ATP11C: variants seen among roughly 807,000 people sequenced by gnomAD.
ATP11C encodes the protein ATPase phospholipid transporting 11C (ATP11C blood group).
Under a neutral mutation model 97.4 loss-of-function variants are expected in ATP11C, and 36 were observed. The ratio of observed to expected loss-of-function variants is 0.37; its 90% CI spans 0.28 to 0.49. ATP11C has a LOEUF of 0.49. Ranked by LOEUF, ATP11C falls within the 20% of genes least tolerant of loss-of-function variation. ATP11C has a pLI of 0.98. For synonymous variants in ATP11C, 275 were observed against 290.9 expected (o/e 0.95, Z 0.56); for missense variants, 730 against 824.6 (o/e 0.89, Z 1.40).
At chrX:139,847,503 C>T (rs1335937879) in intron 1 of ATP11C, among the ~76,000 whole-genome samples, 2 of 110,334 alleles carry the variant, frequency 1.8e-5, no homozygotes, top group African/African-American at 6.6e-5. Context: ...GAGTTCGAGA[C>T]CAGCCTGGGC....
At chrX:139,731,788 T>C in intron 28 of ATP11C, 33 bp from the exon 29 acceptor site, 1 of 1,018,241 alleles carries the variant, frequency 9.8e-7, no homozygotes, top group Non-Finnish European at 1.3e-6. Context: ...CTTAAAGCAT[T>C]TGAAAATTGG....
At chrX:139,934,103 G>A (rs188476131), upstream of ATP11C, among the ~76,000 whole-genome samples, 66 of 112,120 alleles carry the variant, frequency 5.9e-4, no homozygotes, top group Non-Finnish European at 1.1e-3. Context: ...GTCCAGGGTA[G>A]AGGGAGAGGT....
Position 139,814,952 on chromosome X carries a change from T to C in ATP11C, c.352A>G (p.Asn118Asp). The change falls in exon 5 of 30, where the codon AAT (asparagine) becomes GAT (aspartate). Residue 118 changes from asparagine to aspartate, a missense_variant. Physicochemically the swap from Asn to Asp is conservative, Grantham distance 23. Coordinates refer to ENST00000682941, the MANE Select transcript of ATP11C (RefSeq NM_001353812.2). ...YEDCLRHRAD[N>D]EVNKSTVYII... is the part of the protein sequence containing the mutation. The stretch of plus-strand genomic sequence containing the variant: ...TAAACAGTGCTTTTGTTGACTTCAT[T>C]GTCAGCTCTGTGTCTCAGACAATCC... 8.5e-7 allele frequency: 1 copy of C among 1,169,915 alleles called. No homozygotes were observed. The highest frequency in any genetic ancestry group is 1.2e-6 in the Non-Finnish European group (1 of 868,750).
At chrX:139,898,538 G>GGGGGATGAGTAGACGT (rs2084846446) in intron 1 of ATP11C, among the ~76,000 whole-genome samples, 1 of 111,445 alleles carries the variant, frequency 9.0e-6, no homozygotes, top group Admixed American at 9.6e-5. Context: ...CTTGGAGGCT[G>GGGGGATGAGTAGACGT]GGGGATGAGT....
At chrX:139,824,612 A>AGGAGAATG (rs2083486343) in intron 2 of ATP11C, among the ~76,000 whole-genome samples, 2 of 111,341 alleles carry the variant, frequency 1.8e-5, no homozygotes, top group African/African-American at 6.5e-5. Flanking sequence ...GCGTGAACCC[A>AGGAGAATG]GGAGGCGGGG....
intron 21 of ATP11C, 61 bp downstream of exon 21, chrX:139,763,255 A>C: frequency 1.1e-6 from 1 of 909,314 alleles, no homozygotes; most frequent in Non-Finnish European, 1.6e-6. Flanking sequence ...ATGTAAGACC[A>C]CACTACCTAA....
chrX:139,770,002 C>A (rs1043547023), intron 19 of ATP11C, among the ~76,000 whole-genome samples: 4 of 111,552 alleles, frequency 3.6e-5, no homozygotes, highest in Non-Finnish European at 5.6e-5. Flanking sequence ...TTTATACTTA[C>A]AAATATTTTG....
intron 1 of ATP11C, among the ~76,000 whole-genome samples, chrX:139,920,461 T>C (rs1406887155): frequency 4.5e-5 from 5 of 110,391 alleles, no homozygotes; most frequent in African/African-American, 1.6e-4. Context: ...AAGGAACACA[T>C]ATTGTATGAT....
intron 1 of ATP11C, among the ~76,000 whole-genome samples, chrX:139,839,011 G>A (rs765839763): frequency 9.0e-6 from 1 of 111,418 alleles, no homozygotes; most frequent in East Asian, 2.8e-4. Flanking sequence ...ACACAATGTG[G>A]TATATCCATA....
chrX:139,868,726 CAAA>C (rs565000787), intron 1 of ATP11C, among the ~76,000 whole-genome samples: 1 of 76,354 alleles, frequency 1.3e-5, no homozygotes. Context: ...GACTCCGTCT[CAAA>C]AAAAAAAAAA....
intron 2 of ATP11C, among the ~76,000 whole-genome samples, chrX:139,822,714 A>AAT (rs1360346985): frequency 9.3e-6 from 1 of 107,289 alleles, no homozygotes; most frequent in Non-Finnish European, 1.9e-5. Flanking sequence ...GCGCCTGGCC[A>AAT]ATTTTTGTAT....
rs925503641 is a variant in ATP11C, at chrX:139,822,290, A to G, written c.148-2863T>C. Among the ~76,000 whole-genome samples the G allele has an allele frequency of 5.3e-5, 6 of 112,552 alleles. No individual in the cohort carries two copies. In the East Asian group the frequency reaches 1.7e-3, roughly 32 times the overall value. ...CAGCTCACTGCAGCCTCTGCCTCCC[A>G]GGCTCAAGCAATCCGCCCGCCTCAG... is the stretch of plus-strand genomic sequence containing the variant. On this transcript the variant is annotated intron_variant, in intron 2 of 29. Transcript: ENST00000682941.
intron 29 of ATP11C, among the ~76,000 whole-genome samples, chrX:139,730,530 G>A (rs955743369): frequency 9.0e-6 from 1 of 111,503 alleles, no homozygotes; most frequent in African/African-American, 3.3e-5. Context: ...ACTCCAGGAA[G>A]ACAGAAGAAC....
At chrX:139,760,455 G>T (rs1213334471) in intron 22 of ATP11C, among the ~76,000 whole-genome samples, 2 of 111,524 alleles carry the variant, frequency 1.8e-5, no homozygotes, top group African/African-American at 6.5e-5. Context: ...AAGACCTAGG[G>T]TTGACTATAG....
intron 7 of ATP11C, among the ~76,000 whole-genome samples, chrX:139,801,446 T>G (rs1233080298): frequency 8.9e-6 from 1 of 112,164 alleles, no homozygotes; most frequent in East Asian, 2.8e-4. Context: ...GTAGAATGAA[T>G]ACTTTGTTTT....
intron 1 of ATP11C, among the ~76,000 whole-genome samples, chrX:139,842,666 TG>T (rs1211660785): frequency 8.9e-6 from 1 of 112,354 alleles, no homozygotes; most frequent in Non-Finnish European, 1.9e-5. Context: ...AGAGGCTGAC[TG>T]GGGCTGCGTA....
intron 5 of ATP11C, among the ~76,000 whole-genome samples, chrX:139,808,452 T>C (rs934586807): frequency 2.7e-5 from 3 of 111,079 alleles, no homozygotes; most frequent in Non-Finnish European, 5.7e-5. Context: ...TGCTGAAAAC[T>C]GAAAATAGAA....
intron 26 of ATP11C, 87 bp downstream of exon 26, chrX:139,743,471 AG>A: frequency 1.7e-6 from 1 of 580,807 alleles, no homozygotes. Flanking sequence ...CAAGAAATAA[AG>A]GAGACAAAAA....
intron 1 of ATP11C, among the ~76,000 whole-genome samples, chrX:139,884,712 C>G (rs2485723): frequency 0.19 from 21,505 of 111,346 alleles, 3,546 homozygotes; most frequent in African/African-American, 0.54. Context: ...GAAAAGTAGA[C>G]AAAATGAATT....
Sources: allele counts gnomAD v4.1 joint callset (sites outside exome capture counted in the v4.1 genomes callset), GRCh38; gene constraint gnomAD v4.1.1; transcripts MANE v1.5; gene names NCBI Gene and HGNC (gene_info 2026-07-23, HGNC 2026-07-21).